Variants in CGNL1 observed in about 807,000 individuals in gnomAD.
CGNL1 encodes the protein cingulin like 1, also known as cingulin-like protein 1.
In CGNL1, 132 loss-of-function variants were observed where a neutral mutation model predicts 141.2. The ratio of observed to expected loss-of-function variants is 0.93; its 90% confidence interval spans 0.81 to 1.08. The LOEUF (loss-of-function observed/expected upper bound fraction) is 1.08. Among genes scored for constraint, CGNL1 ranks in the 50% least tolerant of loss-of-function variants. CGNL1 has a pLI of 0.00. For missense variants in CGNL1, 1,870 were observed against 1,588.6 expected, an observed-to-expected ratio of 1.18 and a Z score of -3.01; for synonymous variants, 690 against 622.1, an observed-to-expected ratio of 1.11 and a Z score of -1.63.
chr15:57,410,879 T>G (rs1019978464), intron 1 of CGNL1, among the ~76,000 whole-genome samples: 2 of 152,218 alleles, frequency 1.3e-5, no homozygotes, highest in South Asian at 4.1e-4. Context: ...CGTTTGTGTC[T>G]TGTCAGATTC....
intron 15 of CGNL1, 49 bp downstream of exon 15, chr15:57,543,828 T>C: frequency 7.2e-7 from 1 of 1,392,880 alleles, no homozygotes; most frequent in Non-Finnish European, 1.0e-6. Context: ...CCGCTAACCC[T>C]CCCCCACTTC....
At chr15:57,383,050 T>C (rs1595641707) in intron 1 of CGNL1, among the ~76,000 whole-genome samples, 1 of 152,194 alleles carries the variant, frequency 6.6e-6, no homozygotes, top group East Asian at 1.9e-4. Flanking sequence ...TTATCTTCCT[T>C]TCTATAAACA....
intron 8 of CGNL1, among the ~76,000 whole-genome samples, chr15:57,475,387 A>C (rs1380270988): frequency 1.3e-5 from 2 of 152,112 alleles, no homozygotes; most frequent in Non-Finnish European, 2.9e-5. Context: ...TTTGCTTTGC[A>C]ATCCTGACCT....
At position 57,384,028 on chromosome 15, in the gene CGNL1, A is replaced by G. The variant is rs115693386; in HGVS notation, c.-16+7461A>G. 8.0e-3 allele frequency among the ~76,000 whole-genome samples: 959 copies of G among 120,500 alleles called. 10 individuals are homozygous for G. Among genetic ancestry groups the G allele is most frequent in the African/African-American group, 0.029 (928 of 31,844 alleles). 79.1% of individuals were successfully genotyped at this position (120,500 alleles called of 152,430 possible). On this transcript the variant is annotated intron_variant, in intron 1 of 18. Coordinates refer to ENST00000281282, the MANE Select transcript of CGNL1 (RefSeq NM_032866.5). ...GTGGCCAGACTAGCTCAGCCCTAAC[A>G]GTCTGTGCTGCCTTGGGCCACCTAT...
At chr15:57,452,097 A>G in intron 5 of CGNL1, 44 bp from the exon 6 acceptor site, 4 of 1,565,550 alleles carry the variant, frequency 2.6e-6, no homozygotes, top group Non-Finnish European at 8.7e-7. Flanking sequence ...GGGTTACGTT[A>G]ATGTACAGTG....
rs1375102474 is a variant in CGNL1 at position 57,468,217 on chromosome 15, TCTTTTC to T, written c.2403+6326_2403+6331del. ...TTTTCTTCCTTTTTTTCTTTCTTTT[TCTTTTC>T]TTTTCTTTTTCTTTTTTTTTTTTTT... On this transcript the variant is annotated intron_variant, in intron 8 of 18. Transcript: ENST00000281282. Among the ~76,000 whole-genome samples the T allele has an allele frequency of 3.6e-5, 5 of 137,910 alleles. No individual in the cohort carries two copies. The East Asian group carries it at 1.0e-3, about 28-fold the overall frequency. The allele number at this position is 137,910 out of a possible 152,430, so 90.5% of individuals were successfully genotyped here. A position where few individuals can be genotyped will look rare whatever the true frequency, so the allele number is the denominator to read the frequency against.
chr15:57,455,077 A>G (rs564849724), intron 7 of CGNL1, among the ~76,000 whole-genome samples: 1 of 152,248 alleles, frequency 6.6e-6, no homozygotes, highest in Admixed American at 6.5e-5. Context: ...AAAAGTTAAG[A>G]TATCAAAAAT....
At chr15:57,521,577 T>C (rs2031256584) in intron 10 of CGNL1, among the ~76,000 whole-genome samples, 1 of 152,220 alleles carries the variant, frequency 6.6e-6, no homozygotes, top group African/African-American at 2.4e-5. Context: ...GGCAAGCATA[T>C]AAGAAATAAT....
At chr15:57,500,609 G>C (rs553515567) in intron 8 of CGNL1, among the ~76,000 whole-genome samples, 10 of 152,022 alleles carry the variant, frequency 6.6e-5, no homozygotes, top group African/African-American at 2.4e-4. Flanking sequence ...TGCTCCCAGA[G>C]AACTATCAGT....
At position 57,461,661 on chromosome 15, in the gene CGNL1, T is replaced by A. The variant is rs2063447742; in HGVS notation, c.2191-19T>A. 1.2e-6 allele frequency: 2 copies of A among 1,606,962 alleles called. No individual in the cohort carries two copies. The highest frequency in any genetic ancestry group is 2.2e-5 in the South Asian group (2 of 90,914). ...GATGTTTCATTGTCACCTTCTCCCT[T>A]CGTGTTTCCTCTCTCTAGGAGCTCT... On this transcript the variant is annotated intron_variant, in intron 7 of 18. Transcript: ENST00000281282.
intron 2 of CGNL1, among the ~76,000 whole-genome samples, chr15:57,440,016 A>G (rs1189283522): frequency 2.0e-5 from 3 of 151,760 alleles, no homozygotes; most frequent in South Asian, 2.1e-4. Context: ...AATTAGGTTA[A>G]TTTTCATTTA....
chr15:57,492,924 G>A (rs1003077101), intron 8 of CGNL1, among the ~76,000 whole-genome samples: 9 of 152,042 alleles, frequency 5.9e-5, no homozygotes, highest in East Asian at 1.9e-4. Context: ...TCTTGAATAC[G>A]TCATCAGGTA....
intron 14 of CGNL1, among the ~76,000 whole-genome samples, chr15:57,532,148 C>T (rs780610160): frequency 1.3e-5 from 2 of 152,124 alleles, no homozygotes; most frequent in African/African-American, 4.8e-5. Flanking sequence ...AGGCTCTAGG[C>T]GTACAACTGG....
chr15:57,524,899 G>A (rs2031517384), intron 12 of CGNL1, 148 bp downstream of exon 12: 1 of 791,138 alleles, frequency 1.3e-6, no homozygotes, highest in Non-Finnish European at 2.0e-6. Context: ...TGGGTTCCGT[G>A]GGCAAATGGC....
intron 1 of CGNL1, among the ~76,000 whole-genome samples, chr15:57,412,272 T>C (rs1489560653): frequency 6.6e-6 from 1 of 152,222 alleles, no homozygotes; most frequent in African/African-American, 2.4e-5. Flanking sequence ...GCAGCTTCAC[T>C]CAGCAGGGAG....
chr15:57,427,543 C>A (rs11852812), intron 1 of CGNL1, among the ~76,000 whole-genome samples: 44,446 of 152,166 alleles, frequency 0.29, 7,028 homozygotes, highest in Non-Finnish European at 0.36. Flanking sequence ...GCTAAATTTG[C>A]TCATGATGCA....
Position 57,523,638 on chromosome 15 carries a change from G to T in CGNL1, c.2865G>T (p.Lys955Asn). ...HLGKTIEKLQKEMADIVEASR... is the reference protein window; with the variant it reads ...HLGKTIEKLQNEMADIVEASR... ...GCAAAACCATTGAGAAACTGCAGAA[G>T]GAGGTGAGGGGCTGGAGGAGGAAAG... is the stretch of plus-strand genomic sequence containing the variant. Residue 955 changes from lysine (K) to asparagine (N), a missense_variant, in exon 11 of 19, where the codon AAG becomes AAT. Coordinates refer to ENST00000281282, the MANE Select transcript of CGNL1 (RefSeq NM_032866.5). The T allele has an allele frequency of 6.2e-7, 1 of 1,614,060 alleles. No homozygotes were observed. The highest frequency in any genetic ancestry group is 2.2e-5 in the East Asian group (1 of 44,884).
intron 1 of CGNL1, among the ~76,000 whole-genome samples, chr15:57,405,741 T>C (rs2062707800): frequency 1.0e-3 from 1 of 992 alleles, no homozygotes; most frequent in Non-Finnish European, 0.018. Context: ...ACCTTTTCTT[T>C]CTTTTCCTTT....
chr15:57,412,175 C>T (rs571931741), intron 1 of CGNL1, among the ~76,000 whole-genome samples: 59 of 152,336 alleles, frequency 3.9e-4, no homozygotes, highest in Middle Eastern at 6.8e-3. Flanking sequence ...CTGAGATTCT[C>T]GTTTATTTCT....
Sources: allele counts gnomAD v4.1 joint callset (sites outside exome capture counted in the v4.1 genomes callset), GRCh38; gene constraint gnomAD v4.1.1; transcripts MANE v1.5; gene names NCBI Gene and HGNC (gene_info 2026-07-23, HGNC 2026-07-21).